Variants in NPAS2 observed in about 807,000 individuals in gnomAD.
NPAS2 encodes neuronal PAS domain protein 2.
A neutral mutation model predicts 107.5 loss-of-function variants in NPAS2; 23 were observed. The ratio of observed to expected loss-of-function variants is 0.21; its 90% CI spans 0.15 to 0.30. The LOEUF (loss-of-function observed/expected upper bound fraction) is 0.30, where lower values mean the gene tolerates loss of function less well. NPAS2 is among the 10% of genes least tolerant of loss of function. The pLI, the probability that NPAS2 is intolerant of heterozygous loss-of-function variation, is 1.00. For synonymous variants in NPAS2, 403 were observed against 417.5 expected, an observed-to-expected ratio of 0.97 and a Z score of 0.42; for missense variants, 756 against 1,043.3, an observed-to-expected ratio of 0.72 and a Z score of 3.79.
chr2:100,912,408 G>C (rs920330358), intron 2 of NPAS2, among the ~76,000 whole-genome samples: 8 of 152,178 alleles, frequency 5.3e-5, no homozygotes, highest in African/African-American at 1.7e-4. Flanking sequence ...GGGTATCAGT[G>C]TGTCTTTGGT....
intron 1 of NPAS2, among the ~76,000 whole-genome samples, chr2:100,853,544 G>A (rs1241303601): frequency 6.6e-6 from 1 of 152,196 alleles, no homozygotes; most frequent in East Asian, 1.9e-4. Context: ...CTCGGGCCTG[G>A]AACAGTCTCC....
intron 16 of NPAS2, chr2:100,986,374 C>T (rs541430878): frequency 2.0e-5 from 3 of 152,398 alleles, no homozygotes; most frequent in Admixed American, 6.5e-5. Flanking sequence ...GGGATCCTCG[C>T]CTGCCTCTCC....
At chr2:100,988,946 T>TTCCTCCAGGCGCCCCCTGC in intron 17 of NPAS2, 1 of 126,072 alleles carries the variant, frequency 7.9e-6, no homozygotes, top group South Asian at 9.7e-5. Context: ...GGCCTCCCTG[T>TTCCTCCAGGCGCCCCCTGC]TCCTCCAGGC....
chr2:100,827,986 A>G (rs987846099), intron 1 of NPAS2, among the ~76,000 whole-genome samples: 1 of 152,220 alleles, frequency 6.6e-6, no homozygotes, highest in African/African-American at 2.4e-5. Context: ...TCTTTGAGAA[A>G]GCTCCAAACT....
intron 5 of NPAS2, among the ~76,000 whole-genome samples, chr2:100,944,396 T>G (rs1009533605): frequency 1.4e-4 from 22 of 152,172 alleles, no homozygotes; most frequent in African/African-American, 5.3e-4. Flanking sequence ...GCACTGGTGC[T>G]GCTGGTTCAA....
At chr2:100,909,351 G>T (rs761973042) in intron 2 of NPAS2, among the ~76,000 whole-genome samples, 7 of 152,236 alleles carry the variant, frequency 4.6e-5, no homozygotes, top group Admixed American at 6.5e-5. Flanking sequence ...ATCGAAATTT[G>T]TAAACTCAAC....
chr2:100,995,521 G>A lies in NPAS2; in HGVS notation c.2414G>A (p.Arg805His), dbSNP rs774452911. 23 of 1,610,140 alleles carry A rather than the reference G, an allele frequency of 1.4e-5. No homozygotes were observed. In the East Asian group the frequency reaches 3.8e-4, roughly 27 times the overall value. ...QPPPAQPQPL[R>H]PPRRVSSLSE... Reference sequence around the variant, plus strand: ...CCCCCAGCACAGCCCCAGCCCCTACGTCCTCCCCGAAGGGTCAGCAGTCTG... The same window carrying A: ...CCCCCAGCACAGCCCCAGCCCCTACATCCTCCCCGAAGGGTCAGCAGTCTG... Residue 805 changes from arginine to histidine, a missense_variant, in exon 21 of 21, where the codon CGT becomes CAT. Transcript: ENST00000335681.
At chr2:100,942,530 T>A (rs1169399546) in intron 5 of NPAS2, among the ~76,000 whole-genome samples, 3 of 151,736 alleles carry the variant, frequency 2.0e-5, no homozygotes, top group African/African-American at 4.8e-5. Context: ...AGATTTTTTT[T>A]ATGCCTTTTG....
intron 3 of NPAS2, among the ~76,000 whole-genome samples, chr2:100,931,187 C>A (rs1052005348): frequency 2.0e-5 from 3 of 152,198 alleles, no homozygotes; most frequent in Non-Finnish European, 4.4e-5. Flanking sequence ...CACAGCGCGG[C>A]CCTCCCTCCA....
rs201579663 is a variant in NPAS2, at chr2:100,993,434, G to A, written c.2199G>A (p.Gly733=). 195 of 1,613,502 alleles carry A rather than the reference G, an allele frequency of 1.2e-4. No individual in the cohort carries two copies. The East Asian group carries it at 4.2e-3, about 34-fold the overall frequency. The change falls in exon 20 of 21, where the codon GGG becomes GGA. Residue 733 remains glycine, a synonymous_variant. Transcript: ENST00000335681. ...CCCCGATGCCCGTCCTGCTGATGGG[G>A]CAGGCGGTGCTCCACCCCAGCTTCC... ...SSAPMPVLLM[G]QAVLHPSFPA...
At chr2:100,967,364 C>A (rs1553463264) in intron 10 of NPAS2, among the ~76,000 whole-genome samples, 1 of 139,076 alleles carries the variant, frequency 7.2e-6, no homozygotes, top group Non-Finnish European at 1.5e-5. Context: ...GTAGCTGGGA[C>A]AACAGACGCC....
intron 1 of NPAS2, among the ~76,000 whole-genome samples, chr2:100,862,818 G>A (rs1679025817): frequency 6.6e-6 from 1 of 152,194 alleles, no homozygotes; most frequent in Non-Finnish European, 1.5e-5. Context: ...TACGGGAGTT[G>A]CTCTTGTACG....
At position 100,974,891 on chromosome 2, in the gene NPAS2, C is replaced by T. The variant is rs200282440; in HGVS notation, c.1229C>T (p.Ala410Val). 43 of 1,613,922 alleles carry T rather than the reference C, an allele frequency of 2.7e-5. No individual in the cohort carries two copies. In the African/African-American group the frequency reaches 3.3e-4, roughly 13 times the overall value. The change falls in exon 13 of 21, where the codon GCG (alanine) becomes GTG (valine). Residue 410 changes from alanine (A) to valine (V), a missense_variant. Physicochemically the swap from Ala to Val is moderately conservative, Grantham distance 64 (BLOSUM62 0). Transcript: ENST00000335681. Reference sequence around the variant, plus strand: ...CTTAATACCAGTCATTCGCCATCGGCGTCCTCAAGAAGTTCCCACAAATCC... The same window carrying T: ...CTTAATACCAGTCATTCGCCATCGGTGTCCTCAAGAAGTTCCCACAAATCC... ...SGLNTSHSPS[A>V]SSRSSHKSSH...
At chr2:100,982,737 G>A (rs1162232384) in intron 16 of NPAS2, 1 of 221,180 alleles carries the variant, frequency 4.5e-6, no homozygotes, top group African/African-American at 2.3e-5. Context: ...TGCTTTCCTA[G>A]CTCCCAGCCC....
chr2:100,870,563 T>C (rs1679521811), intron 1 of NPAS2, among the ~76,000 whole-genome samples: 1 of 152,028 alleles, frequency 6.6e-6, no homozygotes, highest in Admixed American at 6.5e-5. Flanking sequence ...ACCTGGTGAA[T>C]TTTTGTGTTT....
At chr2:100,972,241 C>A (rs1676627229) in intron 12 of NPAS2, among the ~76,000 whole-genome samples, 2 of 152,204 alleles carry the variant, frequency 1.3e-5, no homozygotes, top group African/African-American at 2.4e-5. Context: ...AGCCACTGTG[C>A]CTGGCCTCCA....
chr2:100,911,203 A>C (rs1371221255), intron 2 of NPAS2, among the ~76,000 whole-genome samples: 1 of 152,198 alleles, frequency 6.6e-6, no homozygotes, highest in Non-Finnish European at 1.5e-5. Flanking sequence ...AATTATCCTG[A>C]AAAATAAAAA....
At position 100,922,239 on chromosome 2, in the gene NPAS2, A is replaced by G. The variant is rs1683270219; in HGVS notation, c.33-2907A>G. Among the ~76,000 whole-genome samples, 2 of 152,142 alleles carry G rather than the reference A, an allele frequency of 1.3e-5. 1 individual carries two copies. Among genetic ancestry groups the G allele is most frequent in the South Asian group, 4.2e-4 (2 of 4,818 alleles). On this transcript the variant is annotated intron_variant, in intron 2 of 20. Coordinates refer to ENST00000335681, the MANE Select transcript of NPAS2 (RefSeq NM_002518.4). ...AGTTACCCAACTAATACACCAAACT[A>G]TGCACTAAAATGGATGAATTTTATT... is the stretch of plus-strand genomic sequence containing the variant.
chr2:100,991,717 G>A (rs530250294), intron 19 of NPAS2, among the ~76,000 whole-genome samples: 2 of 152,146 alleles, frequency 1.3e-5, no homozygotes, highest in African/African-American at 4.8e-5. Flanking sequence ...AAAACCCTAG[G>A]GTGTAGGCAC....
Sources: allele counts gnomAD v4.1 joint callset (sites outside exome capture counted in the v4.1 genomes callset), GRCh38; gene constraint gnomAD v4.1.1; transcripts MANE v1.5; gene names NCBI Gene and HGNC (gene_info 2026-07-23, HGNC 2026-07-21).